PTPRT: variants seen among roughly 807,000 people sequenced by gnomAD.
The protein encoded by PTPRT is protein tyrosine phosphatase receptor type T, also known as receptor-type tyrosine-protein phosphatase T.
PTPRT carries 56 observed loss-of-function variants against 176.8 expected under a neutral mutation model. The ratio of observed to expected loss-of-function variants is 0.32; its 90% CI spans 0.26 to 0.40. The LOEUF is 0.40. Ranked by LOEUF, PTPRT falls within the 10% of genes least tolerant of loss-of-function variation. The pLI is 1.00. For synonymous variants in PTPRT, 783 were observed against 739.0 expected (o/e 1.06, Z -0.96); for missense variants, 1,540 against 1,908.2 (o/e 0.81, Z 3.60).
At chr20:42,855,075 C>G (rs2078537723) in intron 2 of PTPRT, among the ~76,000 whole-genome samples, 1 of 152,062 alleles carries the variant, frequency 6.6e-6, no homozygotes, top group African/African-American at 2.4e-5. Flanking sequence ...TTGTTTTAGT[C>G]TTAGGGAAGC....
intron 16 of PTPRT, among the ~76,000 whole-genome samples, chr20:42,163,877 A>G (rs1600616002): frequency 1.3e-5 from 2 of 152,336 alleles, no homozygotes; most frequent in African/African-American, 2.4e-5. Flanking sequence ...AAAGACTCAC[A>G]CTGTTTCTTG....
At chr20:42,187,211 C>T (rs575700517) in intron 16 of PTPRT, among the ~76,000 whole-genome samples, 1 of 152,226 alleles carries the variant, frequency 6.6e-6, no homozygotes, top group Admixed American at 6.5e-5. Context: ...ATTTCATGGG[C>T]TTTTTGAGAG....
At position 42,880,802 on chromosome 20, in the gene PTPRT, G is replaced by C. The variant is rs567249000; in HGVS notation, c.214+5005C>G. On this transcript the variant is annotated intron_variant, in intron 2 of 30. Transcript: ENST00000373187. ...TCTGAAGCCTGGAATGCTAGTGCAA[G>C]AGCTTCTCCCATGGACAGAGATGAG... Among the ~76,000 whole-genome samples the C allele has an allele frequency of 7.7e-4, 117 of 152,356 alleles. No individual in the cohort carries two copies. The Middle Eastern group carries it at 0.014, about 18-fold the overall frequency.
chr20:42,409,481 CAAAAA>C (rs58932390), intron 9 of PTPRT, among the ~76,000 whole-genome samples: 3 of 112,156 alleles, frequency 2.7e-5, no homozygotes, highest in African/African-American at 1.1e-4. Flanking sequence ...GACTCTGTCG[CAAAAA>C]AAAAAAAAAA....
chr20:42,573,882 G>A (rs985350767), intron 7 of PTPRT, among the ~76,000 whole-genome samples: 1 of 151,742 alleles, frequency 6.6e-6, no homozygotes, highest in African/African-American at 2.4e-5. Context: ...TGGAGTAGCT[G>A]GGATTACAGG....
chr20:42,349,111 T>C (rs1418111275), intron 11 of PTPRT, among the ~76,000 whole-genome samples: 1 of 152,188 alleles, frequency 6.6e-6, no homozygotes, highest in Non-Finnish European at 1.5e-5. Flanking sequence ...GGATAGACAA[T>C]GGCTAGCTAG....
chr20:42,073,567 C>T lies in PTPRT; in HGVS notation c.*7312G>A, dbSNP rs976129241. On this transcript the variant is annotated 3_prime_UTR_variant, in exon 31 of 31. Transcript: ENST00000373187. ...GGCTGTCACTCATGGCCCTGTTGGT[C>T]AGTGGGTCTGAGTTATGGCTGCTCT... 3 of 218,748 alleles carry T rather than the reference C, an allele frequency of 1.4e-5. No homozygotes were observed. Among genetic ancestry groups the T allele is most frequent in the Non-Finnish European group, 2.8e-5 (3 of 108,764 alleles). The allele number at this position is 218,748 out of a possible 1,614,324, so 13.6% of individuals were successfully genotyped here. A position where few individuals can be genotyped will look rare whatever the true frequency, so the allele number is the denominator to read the frequency against.
chr20:42,303,724 G>A (rs1019216741), intron 12 of PTPRT, among the ~76,000 whole-genome samples: 1 of 152,176 alleles, frequency 6.6e-6, no homozygotes, highest in Non-Finnish European at 1.5e-5. Context: ...GGAGACTGTT[G>A]AGGTTGTCCA....
the PTPRT span, among the ~76,000 whole-genome samples, chr20:42,060,623 G>A: frequency 6.6e-6 from 1 of 152,196 alleles, no homozygotes; most frequent in African/African-American, 2.4e-5. Flanking sequence ...CTCTCTGCCT[G>A]CTGCCATCCA....
At chr20:43,116,071 C>T (rs2013047365) in intron 1 of PTPRT, among the ~76,000 whole-genome samples, 1 of 152,182 alleles carries the variant, frequency 6.6e-6, no homozygotes, top group South Asian at 2.1e-4. Flanking sequence ...GGGGACTGAA[C>T]TCACAACCTT....
Position 42,787,822 on chromosome 20 carries a change from C to A in PTPRT, c.486+3373G>T, listed in dbSNP as rs748246586. 1.4e-4 allele frequency among the ~76,000 whole-genome samples: 22 copies of A among 152,164 alleles called. 1 individual carries two copies. Among genetic ancestry groups the A allele is most frequent in the Non-Finnish European group, 2.6e-4 (18 of 68,034 alleles). ...TACTACTTACAGTCTTTATTTATCC[C>A]ATTTCTTGTGAGTGTGTGTAAGTTT... On this transcript the variant is annotated intron_variant, in intron 3 of 30. Coordinates refer to ENST00000373187, the MANE Select transcript of PTPRT (RefSeq NM_007050.6).
At chr20:42,941,941 CA>C (rs1185864448) in intron 1 of PTPRT, among the ~76,000 whole-genome samples, 2 of 151,846 alleles carry the variant, frequency 1.3e-5, no homozygotes, top group African/African-American at 4.8e-5. Flanking sequence ...GAGGCCACAT[CA>C]AAGTAGCTCT....
chr20:42,592,025 G>C (rs942373314), intron 7 of PTPRT, among the ~76,000 whole-genome samples: 2 of 140,918 alleles, frequency 1.4e-5, no homozygotes, highest in Admixed American at 1.5e-4. Context: ...TGTTGCCCAG[G>C]CTGGAGTGCA....
chr20:42,719,042 ATCTGAAATGAATCTTAGG>A (rs1444476082), intron 6 of PTPRT, among the ~76,000 whole-genome samples: 3 of 152,222 alleles, frequency 2.0e-5, no homozygotes, highest in South Asian at 2.1e-4. Flanking sequence ...AAAGGCAGGA[ATCTGAAATGAATCTTAGG>A]TTTCTTTTTA....
chr20:42,636,207 C>T (rs930391608), intron 7 of PTPRT, among the ~76,000 whole-genome samples: 1 of 151,950 alleles, frequency 6.6e-6, no homozygotes, highest in African/African-American at 2.4e-5. Flanking sequence ...TTTACAGTTT[C>T]AAGGGAGGGC....
At chr20:42,602,156 C>T (rs1310692870) in intron 7 of PTPRT, among the ~76,000 whole-genome samples, 2 of 152,148 alleles carry the variant, frequency 1.3e-5, no homozygotes, top group South Asian at 2.1e-4. Context: ...TAGTGGGTGG[C>T]TTTTCCCACA....
Position 42,288,665 on chromosome 20 carries a change from G to A in PTPRT, c.2140-6140C>T, listed in dbSNP as rs557431245. ...ATTTTCTTAGGATAATGGCTTCCAGGTACATCCATGTTGCTGCAGAGGACA... is the reference window on the plus strand; with the variant it reads ...ATTTTCTTAGGATAATGGCTTCCAGATACATCCATGTTGCTGCAGAGGACA... On this transcript the variant is annotated intron_variant, in intron 12 of 30. Coordinates refer to ENST00000373187, the MANE Select transcript of PTPRT (RefSeq NM_007050.6). Among the ~76,000 whole-genome samples the A allele has an allele frequency of 2.4e-4, 37 of 151,938 alleles. 1 individual carries two copies. The highest frequency in any genetic ancestry group is 8.2e-4 in the African/African-American group (34 of 41,480).
the PTPRT span, among the ~76,000 whole-genome samples, chr20:42,043,619 C>A: frequency 1.3e-5 from 2 of 152,146 alleles, no homozygotes; most frequent in South Asian, 4.1e-4. Context: ...CTGTGTGGAG[C>A]AGAGTCCCCT....
intron 7 of PTPRT, among the ~76,000 whole-genome samples, chr20:42,510,670 C>A (rs1227813081): frequency 3.3e-5 from 5 of 152,000 alleles, no homozygotes; most frequent in African/African-American, 1.2e-4. Flanking sequence ...GGGTGGCAGG[C>A]AAGAATATAC....
Sources: gnomAD v4.1 joint callset for allele counts (sites outside exome capture counted in the v4.1 genomes callset) on GRCh38, gnomAD v4.1.1 for gene constraint, MANE v1.5 for transcripts, NCBI Gene and HGNC (gene_info 2026-07-23, HGNC 2026-07-21) for gene names.